Variants in ZRANB2 observed in about 807,000 individuals in gnomAD.
ZRANB2 encodes zinc finger RANBP2-type containing 2.
In ZRANB2, 19 loss-of-function variants were observed where a neutral mutation model predicts 53.4. That is an observed-to-expected ratio of 0.36 (90% CI 0.25 to 0.52). The LOEUF (loss-of-function observed/expected upper bound fraction) is 0.52, where lower values mean the gene tolerates loss of function less well. ZRANB2 is among the 20% of genes least tolerant of loss of function. The pLI is 0.93. For missense variants in ZRANB2, 309 were observed against 401.1 expected, an observed-to-expected ratio of 0.77 and a Z score of 1.96; for synonymous variants, 145 against 134.8, an observed-to-expected ratio of 1.08 and a Z score of -0.52.
Position 71,072,103 on chromosome 1 carries a change from G to C in ZRANB2, c.513+18C>G. The C allele has an allele frequency of 6.2e-7, 1 of 1,601,358 alleles. No individual in the cohort carries two copies. Among genetic ancestry groups the C allele is most frequent in the Non-Finnish European group, 8.5e-7 (1 of 1,176,378 alleles). On this transcript the variant is annotated intron_variant, in intron 6 of 9. Coordinates refer to ENST00000370920, the MANE Select transcript of ZRANB2 (RefSeq NM_203350.3). ...CTCCAATAAGACAAAAGGGAAATAGGACAAGAAAATTGTTCACCTCATCTA... is the reference window on the plus strand; with the variant it reads ...CTCCAATAAGACAAAAGGGAAATAGCACAAGAAAATTGTTCACCTCATCTA...
intron 4 of ZRANB2, 59 bp downstream of exon 4, chr1:71,076,736 C>T (rs1204729115): frequency 5.6e-5 from 69 of 1,239,518 alleles, no homozygotes; most frequent in Non-Finnish European, 7.1e-5. Context: ...ATACAATTAT[C>T]GTTTCAATAT....
intron 9 of ZRANB2, chr1:71,066,253 G>C (rs1420495254): frequency 6.5e-6 from 1 of 153,460 alleles, no homozygotes; most frequent in Admixed American, 6.5e-5. Flanking sequence ...TCTCAAAAAA[G>C]ATTTGGACTG....
intron 7 of ZRANB2, among the ~76,000 whole-genome samples, chr1:71,070,516 T>C (rs945284734): frequency 3.9e-5 from 6 of 152,172 alleles, no homozygotes; most frequent in African/African-American, 1.4e-4. Flanking sequence ...AATTTCTATA[T>C]GTAAGCTATC....
intron 1 of ZRANB2, among the ~76,000 whole-genome samples, chr1:71,079,320 A>C (rs1661782096): frequency 6.6e-6 from 1 of 152,186 alleles, no homozygotes; most frequent in South Asian, 2.1e-4. Flanking sequence ...ATCTCAACAC[A>C]TGTAGTACAG....
At chr1:71,069,461 T>C in intron 7 of ZRANB2, 99 bp from the exon 8 acceptor site, 2 of 760,390 alleles carry the variant, frequency 2.6e-6, no homozygotes, top group Non-Finnish European at 4.3e-6. Context: ...TTCATTTTCA[T>C]ATAAAAAGAT....
At chr1:71,071,186 T>C (rs1033391876) in intron 6 of ZRANB2, among the ~76,000 whole-genome samples, 190 bp from the exon 7 acceptor site, 1 of 152,182 alleles carries the variant, frequency 6.6e-6, no homozygotes, top group Non-Finnish European at 1.5e-5. Flanking sequence ...GTCTCAGGTA[T>C]TGCACAGACA....
chr1:71,075,602 C>T (rs1382231617), intron 4 of ZRANB2, among the ~76,000 whole-genome samples: 5 of 151,564 alleles, frequency 3.3e-5, no homozygotes, highest in East Asian at 1.9e-4. Context: ...GGGATGGCTG[C>T]GAAGAATCCC....
Position 71,070,875 on chromosome 1 carries a change from C to T in ZRANB2, c.635G>A (p.Arg212Gln), listed in dbSNP as rs779194312. Residue 212 changes from arginine to glutamine, a missense_variant, in exon 7 of 10, where the codon CGA becomes CAA. Around this residue, in one of 3 missense-constraint regions of ZRANB2, gnomAD observed 211 missense variants for 196.1 expected, o/e 1.08. Coordinates refer to ENST00000370920, the MANE Select transcript of ZRANB2 (RefSeq NM_203350.3). ...GGGGGAGGATGAGCGTGATGAAGAT[C>T]GTGAATGTGAAGATCGAGACTTTGA... ...SRSKSRSSHS[R>Q]SSSRSSSPSS... The T allele has an allele frequency of 1.3e-5, 21 of 1,609,396 alleles. No homozygotes were observed. The highest frequency in any genetic ancestry group is 1.5e-5 in the Non-Finnish European group (18 of 1,177,566).
intron 1 of ZRANB2, among the ~76,000 whole-genome samples, chr1:71,080,047 T>C (rs1400797412): frequency 1.3e-5 from 2 of 152,226 alleles, no homozygotes; most frequent in African/African-American, 2.4e-5. Flanking sequence ...TAATAGAATT[T>C]TAACTAAACC....
intron 1 of ZRANB2, 49 bp downstream of exon 1, chr1:71,080,891 G>C (rs1439541926): frequency 6.2e-7 from 1 of 1,601,008 alleles, no homozygotes; most frequent in Non-Finnish European, 8.6e-7. Context: ...ACCTCGGAAA[G>C]CTTCCACTAA....
chr1:71,072,003 G>T lies in ZRANB2; in HGVS notation c.513+118C>A, dbSNP rs537736297. 203 of 1,425,254 alleles carry T rather than the reference G, an allele frequency of 1.4e-4. 3 individuals are homozygous for T. The South Asian group carries it at 2.8e-3, about 20-fold the overall frequency. 88.3% of individuals were successfully genotyped at this position (1,425,254 alleles called of 1,614,324 possible). The stretch of plus-strand genomic sequence containing the variant: ...CAGAGTGGAAATCCAAAACCTTTGT[G>T]AGAACAAATGAAAACACAGAATATA... On this transcript the variant is annotated intron_variant, in intron 6 of 9. Coordinates refer to ENST00000370920, the MANE Select transcript of ZRANB2 (RefSeq NM_203350.3).
In ZRANB2 at chr1:71,066,920, G is replaced by C. The variant is rs1195590406; in HGVS notation, c.785C>G (p.Ser262Cys). Reference protein sequence around the residue: ...RGSKSRSSSRSHRGSSSPRKR... With the variant: ...RGSKSRSSSRCHRGSSSPRKR... ...TCGTGGGGAAGAAGAGCCCCTGTGG[G>C]ACCTGGAGCTGGATCTTCATTGATT... Residue 262 changes from serine (S) to cysteine (C), a missense_variant, in exon 9 of 10, where the codon TCC (serine) becomes TGC (cysteine). By Grantham distance (112) the Ser-to-Cys change is moderately radical. This residue lies in a region of ZRANB2 where 211 missense variants were observed against 196.1 expected (regional missense o/e 1.08). Coordinates refer to ENST00000370920, the MANE Select transcript of ZRANB2 (RefSeq NM_203350.3). 3 of 1,580,386 alleles carry C rather than the reference G, an allele frequency of 1.9e-6. No individual in the cohort carries two copies. Among genetic ancestry groups the C allele is most frequent in the Non-Finnish European group, 2.6e-6 (3 of 1,164,832 alleles).
Position 71,070,976 on chromosome 1 carries a change from A to G in ZRANB2, c.534T>C (p.Ala178=), listed in dbSNP as rs2101045783. ...CATCAAGATTATATTTTGAGAGATCAGCGTCATCTTCATCCTCATCCTAAC... is the reference window on the plus strand; with the variant it reads ...CATCAAGATTATATTTTGAGAGATCGGCGTCATCTTCATCCTCATCCTAAC... ...KLDEDEDEDD[A]DLSKYNLDAS... is the part of the protein sequence containing the mutation. Residue 178 remains alanine, a synonymous_variant, in exon 7 of 10, where the codon GCT becomes GCC. Transcript: ENST00000370920. 2 of 1,589,474 alleles carry G rather than the reference A, an allele frequency of 1.3e-6. No individual in the cohort carries two copies. The highest frequency in any genetic ancestry group is 1.7e-6 in the Non-Finnish European group (2 of 1,169,714).
rs200493345 is a variant in ZRANB2 at position 71,078,565 on chromosome 1, T to C, written c.110A>G (p.Glu37Gly). Residue 37 changes from glutamate to glycine, a missense_variant and splice_region_variant, in exon 3 of 10, where the codon GAG becomes GGG. Transcript: ENST00000370920. ...RRTSCNRCGR[E>G]KTTEAKMMKA... ...CATCATCTTGGCCTCAGTTGTTTTC[T>C]CTGAAAACAGAAAAATCATGCAATA... 1.9e-6 allele frequency: 3 copies of C among 1,613,726 alleles called. No homozygotes were observed. Among genetic ancestry groups the C allele is most frequent in the East Asian group, 2.2e-5 (1 of 44,834 alleles).
In ZRANB2 at chr1:71,065,630, G is replaced by C. The variant is rs1008589279; in HGVS notation, c.930-493C>G. 12 of 1,567,762 alleles carry C rather than the reference G, an allele frequency of 7.7e-6. No homozygotes were observed. The African/African-American group carries it at 1.5e-4, about 20-fold the overall frequency. On this transcript the variant is annotated intron_variant, in intron 9 of 9. Transcript: ENST00000370920. ...GTCACACAAGATGATTGTACAATTT[G>C]CTATAGGGTTATATTCATGCAGCTA...
intron 6 of ZRANB2, 85 bp from the exon 7 acceptor site, chr1:71,071,081 C>A: frequency 8.7e-7 from 1 of 1,154,112 alleles, no homozygotes; most frequent in Non-Finnish European, 1.2e-6. Flanking sequence ...TACTGAGCAC[C>A]TCCATATGCA....
rs184292254 is a variant in ZRANB2, at chr1:71,068,929, T to C, written c.770+347A>G. 2.5e-3 allele frequency among the ~76,000 whole-genome samples: 377 copies of C among 151,994 alleles called. 2 individuals are homozygous for C. The highest frequency in any genetic ancestry group is 8.8e-3 in the African/African-American group (364 of 41,448). On this transcript the variant is annotated intron_variant, in intron 8 of 9. Transcript: ENST00000370920. ...TCAGCTTCCCAAAGTGCTGGGATTATAGGCATGAATCACTGTGCCTGGCCA... is the reference window on the plus strand; with the variant it reads ...TCAGCTTCCCAAAGTGCTGGGATTACAGGCATGAATCACTGTGCCTGGCCA...
At chr1:71,069,689 T>C (rs536714276) in intron 7 of ZRANB2, 1 of 162,798 alleles carries the variant, frequency 6.1e-6, no homozygotes, top group African/African-American at 2.4e-5. Context: ...AAACAGAATG[T>C]TGCGATTTAT....
chr1:71,070,668 G>C (rs1004426505), intron 7 of ZRANB2, among the ~76,000 whole-genome samples, 159 bp downstream of exon 7: 5 of 152,048 alleles, frequency 3.3e-5, no homozygotes, highest in African/African-American at 9.7e-5. Flanking sequence ...GACAACAACT[G>C]TATGGTACTA....
Sources: gnomAD v4.1 joint callset for allele counts (sites outside exome capture counted in the v4.1 genomes callset) on GRCh38, gnomAD v4.1.1 for gene constraint, gnomAD v4.1.1 regional missense constraint, MANE v1.5 for transcripts, NCBI Gene and HGNC (gene_info 2026-07-23, HGNC 2026-07-21) for gene names.